The following AOAH variants were observed in gnomAD, a reference collection of about 807,000 sequenced individuals.
AOAH encodes the protein acyloxyacyl hydrolase, also known as acyloxyacyl hydrolase (neutrophil).
Under a neutral mutation model 92.2 loss-of-function variants are expected in AOAH, and 64 were observed. The ratio of observed to expected loss-of-function variants is 0.69; its 90% CI spans 0.57 to 0.86. The LOEUF is 0.86. AOAH is among the 40% of genes least tolerant of loss of function. AOAH has a pLI of 0.00. For synonymous variants in AOAH, 263 were observed against 254.5 expected (o/e 1.03, Z -0.32); for missense variants, 656 against 694.6 (o/e 0.94, Z 0.62).
intron 20 of AOAH, among the ~76,000 whole-genome samples, chr7:36,519,898 C>G (rs1241287803): frequency 6.6e-6 from 1 of 152,212 alleles, no homozygotes; most frequent in African/African-American, 2.4e-5. Flanking sequence ...TTCTTGTTCA[C>G]TCTTGAATTC....
At chr7:36,677,015 G>A (rs571304911) in intron 2 of AOAH, among the ~76,000 whole-genome samples, 19 of 151,948 alleles carry the variant, frequency 1.3e-4, no homozygotes, top group African/African-American at 4.1e-4. Context: ...CTGACTTTGG[G>A]TTAGGCAACG....
At chr7:36,567,092 G>T (rs563079017) in intron 13 of AOAH, among the ~76,000 whole-genome samples, 1 of 152,096 alleles carries the variant, frequency 6.6e-6, no homozygotes, top group Non-Finnish European at 1.5e-5. Context: ...AATTACAGGC[G>T]TGAGCCACCG....
At chr7:36,613,651 G>T (rs1398126355) in intron 11 of AOAH, among the ~76,000 whole-genome samples, 1 of 152,048 alleles carries the variant, frequency 6.6e-6, no homozygotes, top group Non-Finnish European at 1.5e-5. Flanking sequence ...TGACCACTTT[G>T]CTCTCCTGTT....
chr7:36,528,021 T>A (rs1442452829), intron 19 of AOAH, among the ~76,000 whole-genome samples: 2 of 152,116 alleles, frequency 1.3e-5, no homozygotes, highest in East Asian at 3.8e-4. Flanking sequence ...CTTTCAGAGG[T>A]GGACATGGCG....
At position 36,593,705 on chromosome 7, in the gene AOAH, A is replaced by G. The variant is rs373998329; in HGVS notation, c.938+634T>C. ...ACATTCTCCCATCCAAGTACTAACCAGGCCCTGCTTACCTTCCAGAGATCA... is the reference window on the plus strand; with the variant it reads ...ACATTCTCCCATCCAAGTACTAACCGGGCCCTGCTTACCTTCCAGAGATCA... On this transcript the variant is annotated intron_variant, in intron 12 of 20. Coordinates refer to ENST00000617537, the MANE Select transcript of AOAH (RefSeq NM_001637.4). 1.1e-4 allele frequency among the ~76,000 whole-genome samples: 17 copies of G among 152,346 alleles called. No individual in the cohort carries two copies. The South Asian group carries it at 2.7e-3, about 24-fold the overall frequency.
chr7:36,564,524 T>A (rs566951116), intron 13 of AOAH, among the ~76,000 whole-genome samples: 1 of 152,308 alleles, frequency 6.6e-6, no homozygotes, highest in Admixed American at 6.5e-5. Flanking sequence ...AAAAGCCTCA[T>A]CCCAGGATGC....
intron 13 of AOAH, among the ~76,000 whole-genome samples, chr7:36,557,558 T>C (rs1398235884): frequency 6.6e-6 from 1 of 152,248 alleles, no homozygotes; most frequent in Non-Finnish European, 1.5e-5. Context: ...GAAGTTCTCC[T>C]GGATAATATC....
intron 13 of AOAH, among the ~76,000 whole-genome samples, chr7:36,567,874 A>G (rs1037472441): frequency 2.6e-5 from 4 of 152,234 alleles, no homozygotes; most frequent in African/African-American, 9.6e-5. Context: ...CAGAGGCGGC[A>G]TCTCTCCTTC....
chr7:36,619,460 C>T (rs760558641), intron 9 of AOAH, among the ~76,000 whole-genome samples: 2 of 152,134 alleles, frequency 1.3e-5, no homozygotes, highest in Non-Finnish European at 2.9e-5. Flanking sequence ...TGGGTGGGAC[C>T]ATGGAACGAA....
At chr7:36,647,802 A>T (rs1716823771) in intron 4 of AOAH, among the ~76,000 whole-genome samples, 1 of 151,902 alleles carries the variant, frequency 6.6e-6, no homozygotes. Flanking sequence ...ATCCAGACAT[A>T]GCATTCCAAT....
chr7:36,551,163 T>A (rs1178779497), intron 13 of AOAH, among the ~76,000 whole-genome samples: 1 of 150,718 alleles, frequency 6.6e-6, no homozygotes, highest in African/African-American at 2.4e-5. Context: ...AATCTCTGCC[T>A]CCTGGGTTCA....
At chr7:36,586,664 A>G (rs1017049163) in intron 12 of AOAH, among the ~76,000 whole-genome samples, 1 of 152,174 alleles carries the variant, frequency 6.6e-6, no homozygotes, top group Non-Finnish European at 1.5e-5. Context: ...CACTCTTAAA[A>G]TTATTGAAGA....
chr7:36,581,261 G>C lies in AOAH; in HGVS notation c.939-4605C>G, dbSNP rs968554550. On this transcript the variant is annotated intron_variant, in intron 12 of 20. Transcript: ENST00000617537. ...AACCAGCTTAGGATGCAGCTCTCCTGAATCTACTAAGTCAGTTACCATTCA... is the reference window on the plus strand; with the variant it reads ...AACCAGCTTAGGATGCAGCTCTCCTCAATCTACTAAGTCAGTTACCATTCA... 6.6e-5 allele frequency among the ~76,000 whole-genome samples: 10 copies of C among 152,310 alleles called. No individual in the cohort carries two copies. The East Asian group carries it at 1.5e-3, about 24-fold the overall frequency.
intron 6 of AOAH, among the ~76,000 whole-genome samples, chr7:36,627,425 G>C (rs965071420): frequency 1.3e-5 from 2 of 152,110 alleles, no homozygotes; most frequent in African/African-American, 4.8e-5. Flanking sequence ...TTGAATCCCA[G>C]TTCTGCTGTC....
chr7:36,563,717 A>G (rs1208177502), intron 13 of AOAH, among the ~76,000 whole-genome samples: 1 of 152,236 alleles, frequency 6.6e-6, no homozygotes, highest in Non-Finnish European at 1.5e-5. Flanking sequence ...AGAATTTTAA[A>G]TATTGCAGAT....
At chr7:36,592,413 G>C (rs1789807958) in intron 12 of AOAH, among the ~76,000 whole-genome samples, 1 of 152,174 alleles carries the variant, frequency 6.6e-6, no homozygotes, top group South Asian at 2.1e-4. Context: ...GGAGGCATAT[G>C]ATGGGTCACT....
intron 1 of AOAH, among the ~76,000 whole-genome samples, chr7:36,721,223 C>T (rs555814553): frequency 7.2e-5 from 11 of 152,324 alleles, no homozygotes; most frequent in African/African-American, 2.6e-4. Flanking sequence ...GGTCAGGTCA[C>T]ATCGAGGGAC....
chr7:36,678,088 T>G (rs180898212), intron 2 of AOAH, among the ~76,000 whole-genome samples: 423 of 152,360 alleles, frequency 2.8e-3, no homozygotes, highest in African/African-American at 9.5e-3. Flanking sequence ...ACACTTTAAA[T>G]GAGTGAACTG....
chr7:36,580,349 TA>T (rs1235292768), intron 12 of AOAH, among the ~76,000 whole-genome samples: 6 of 152,206 alleles, frequency 3.9e-5, no homozygotes, highest in African/African-American at 1.4e-4. Flanking sequence ...CGTCTGCTAT[TA>T]CCAGAATAAT....
Sources: gnomAD v4.1 joint callset for allele counts (sites outside exome capture counted in the v4.1 genomes callset) on GRCh38, gnomAD v4.1.1 for gene constraint, MANE v1.5 for transcripts, NCBI Gene and HGNC (gene_info 2026-07-23, HGNC 2026-07-21) for gene names.